OPCML: variants seen among roughly 807,000 people sequenced by gnomAD.
The protein encoded by OPCML is opioid binding protein/cell adhesion molecule like.
A neutral mutation model predicts 37.8 loss-of-function variants in OPCML; 13 were observed. That is an observed-to-expected ratio of 0.34 (90% CI 0.22 to 0.55). The LOEUF is 0.55. Ranked by LOEUF, OPCML falls within the 20% of genes least tolerant of loss-of-function variation. The probability of loss-of-function intolerance (pLI) is 0.91; values close to 1 mark genes in which losing one functional copy is unlikely to be tolerated. For synonymous variants in OPCML, 176 were observed against 168.8 expected (o/e 1.04, Z -0.33); for missense variants, 341 against 435.6 (o/e 0.78, Z 1.93).
At position 133,205,596 on chromosome 11, in the gene OPCML, C is replaced by T. The variant is rs535263336; in HGVS notation, c.62-262586G>A. 3.0e-4 allele frequency among the ~76,000 whole-genome samples: 46 copies of T among 152,324 alleles called. No individual in the cohort carries two copies. The highest frequency in any genetic ancestry group is 8.3e-4 in the South Asian group (4 of 4,834). On this transcript the variant is annotated intron_variant, in intron 1 of 7. Transcript: ENST00000524381. The surrounding 1 kb of genome is among the most constrained non-coding windows in gnomAD (Gnocchi z 4.8). ...GTCAGAATTGAATTGAATTGGAGAA[C>T]GCCCAGTCCTCACGATCATTGCTCA...
At chr11:133,183,316 G>T (rs1301578112) in intron 1 of OPCML, among the ~76,000 whole-genome samples, 3 of 152,152 alleles carry the variant, frequency 2.0e-5, no homozygotes, top group Non-Finnish European at 4.4e-5. Context: ...CTCAAGCTAG[G>T]TCTTAAATTC....
intron 2 of OPCML, among the ~76,000 whole-genome samples, chr11:132,721,990 C>T (rs1403365581): frequency 4.8e-5 from 5 of 105,116 alleles, no homozygotes; most frequent in African/African-American, 1.5e-4. Flanking sequence ...GAGTCTTGCT[C>T]TGTTGCCCAG....
intron 4 of OPCML, among the ~76,000 whole-genome samples, chr11:132,439,133 G>C (rs1167897369): frequency 6.6e-6 from 1 of 152,162 alleles, no homozygotes; most frequent in Non-Finnish European, 1.5e-5. Context: ...CCTGGTGACA[G>C]GGTCCCAAAA....
At chr11:132,926,796 G>T (rs1945008256) in intron 2 of OPCML, among the ~76,000 whole-genome samples, 1 of 151,908 alleles carries the variant, frequency 6.6e-6, no homozygotes. Context: ...CATATGCTCA[G>T]AGAGCTAAAG....
At chr11:132,546,261 A>G (rs1400415113) in intron 3 of OPCML, among the ~76,000 whole-genome samples, 2 of 152,050 alleles carry the variant, frequency 1.3e-5, no homozygotes, top group African/African-American at 2.4e-5. Flanking sequence ...ATCCCTTTTA[A>G]AAAGTGTTTA....
intron 4 of OPCML, among the ~76,000 whole-genome samples, chr11:132,486,171 C>T (rs915043143): frequency 6.6e-6 from 1 of 152,152 alleles, no homozygotes; most frequent in African/African-American, 2.4e-5. Flanking sequence ...AAATGACTCT[C>T]CTCATGTCTC....
chr11:132,549,826 G>A (rs2137422987), intron 3 of OPCML, among the ~76,000 whole-genome samples: 1 of 152,286 alleles, frequency 6.6e-6, no homozygotes, highest in Admixed American at 6.5e-5. Context: ...GAAGGAACCA[G>A]TCTGTGAGTC....
chr11:132,744,882 G>C (rs1279975535), intron 2 of OPCML, among the ~76,000 whole-genome samples: 2 of 152,342 alleles, frequency 1.3e-5, no homozygotes, highest in African/African-American at 2.4e-5. Flanking sequence ...CAACATTCAC[G>C]AGCAAGCTCG....
intron 2 of OPCML, among the ~76,000 whole-genome samples, chr11:132,894,151 T>C (rs1943750878): frequency 6.6e-6 from 1 of 152,208 alleles, no homozygotes; most frequent in Non-Finnish European, 1.5e-5. Context: ...GTCTCATCCT[T>C]GCCTGAAATA....
chr11:132,488,100 T>G (rs1056494966), intron 4 of OPCML, among the ~76,000 whole-genome samples: 3 of 152,220 alleles, frequency 2.0e-5, no homozygotes, highest in African/African-American at 7.2e-5. Context: ...ACCGCATGCC[T>G]ATGCAGCTGC....
rs71038527 is a variant in OPCML at position 133,410,634 on chromosome 11, T to TAAAAAAAAA, written c.61+121621_61+121629dup. 2.6e-4 allele frequency among the ~76,000 whole-genome samples: 12 copies of TAAAAAAAAA among 47,012 alleles called. 5 individuals carry two copies. The highest frequency in any genetic ancestry group is 1.7e-3 in the East Asian group (2 of 1,152). The allele number at this position is 47,012 out of a possible 152,430, so 30.8% of individuals were successfully genotyped here. A position where few individuals can be genotyped will look rare whatever the true frequency, so the allele number is the denominator to read the frequency against. On this transcript the variant is annotated intron_variant, in intron 1 of 7. Transcript: ENST00000524381. ...TGAAAGCACACGTTAAGAAAAAAAGTAAAAAAAAAAAAAAAAAAAAAAAAA... is the reference window on the plus strand; with the variant it reads ...TGAAAGCACACGTTAAGAAAAAAAGTAAAAAAAAAAAAAAAAAAAAAAAAAAAAAAAAAA...
At chr11:133,330,179 G>C (rs1466868158) in intron 1 of OPCML, among the ~76,000 whole-genome samples, 2 of 152,152 alleles carry the variant, frequency 1.3e-5, no homozygotes, top group Non-Finnish European at 2.9e-5. Flanking sequence ...TAAAAAGTCA[G>C]GAAACAACAG....
Position 133,287,757 on chromosome 11 carries a change from G to A in OPCML, c.61+244507C>T, listed in dbSNP as rs150492055. The stretch of plus-strand genomic sequence containing the variant: ...TGCAGGAAAGGAGGCAGAGAGCAGT[G>A]TGAGACTCAAGCAGGGCTGGCCATT... On this transcript the variant is annotated intron_variant, in intron 1 of 7. Transcript: ENST00000524381. Among the ~76,000 whole-genome samples, 28 of 152,252 alleles carry A rather than the reference G, an allele frequency of 1.8e-4. No individual in the cohort carries two copies. The East Asian group carries it at 5.4e-3, about 30-fold the overall frequency.
chr11:133,353,131 C>T (rs1944179158), intron 1 of OPCML, among the ~76,000 whole-genome samples: 1 of 152,184 alleles, frequency 6.6e-6, no homozygotes, highest in Admixed American at 6.5e-5. Flanking sequence ...CTATCCAAAG[C>T]ATCCTTCCTT....
intron 3 of OPCML, among the ~76,000 whole-genome samples, chr11:132,612,311 T>G (rs1019018539): frequency 6.6e-6 from 1 of 152,180 alleles, no homozygotes; most frequent in Admixed American, 6.5e-5. Flanking sequence ...ATAATGAACA[T>G]GCACTTATGA....
At chr11:133,004,079 G>A (rs993298242) in intron 1 of OPCML, 2 of 985,298 alleles carry the variant, frequency 2.0e-6, no homozygotes, top group African/African-American at 3.5e-5. Flanking sequence ...AAAGAGCAGG[G>A]GCTGGCAGCT....
chr11:132,547,539 G>A (rs1006116765), intron 3 of OPCML, among the ~76,000 whole-genome samples: 2 of 152,158 alleles, frequency 1.3e-5, no homozygotes, highest in Non-Finnish European at 2.9e-5. Flanking sequence ...CCAATAGACA[G>A]CAATGTGCTA....
At chr11:132,999,155 G>T (rs1458239481) in intron 1 of OPCML, among the ~76,000 whole-genome samples, 1 of 152,150 alleles carries the variant, frequency 6.6e-6, no homozygotes, top group East Asian at 1.9e-4. Context: ...GCCCTATCTG[G>T]CAGGAGCTCT....
intron 2 of OPCML, among the ~76,000 whole-genome samples, chr11:132,882,473 C>G (rs1299223502): frequency 6.6e-6 from 1 of 152,158 alleles, no homozygotes; most frequent in Non-Finnish European, 1.5e-5. Flanking sequence ...CCCATCCTCT[C>G]TTATTGAGAT....
Sources: allele counts gnomAD v4.1 joint callset (sites outside exome capture counted in the v4.1 genomes callset), GRCh38; gene constraint gnomAD v4.1.1; non-coding constraint Gnocchi (gnomAD v3.1); transcripts MANE v1.5; gene names NCBI Gene and HGNC (gene_info 2026-07-23, HGNC 2026-07-21).